PCM1: variants seen among roughly 807,000 people sequenced by gnomAD.
PCM1 encodes the protein pericentriolar material 1 protein.
A neutral mutation model predicts 241.9 loss-of-function variants in PCM1; 157 were observed. The observed-to-expected ratio is 0.65, with a 90% confidence interval of 0.57 to 0.74. The LOEUF is 0.74. Ranked by LOEUF, PCM1 falls within the 30% of genes least tolerant of loss-of-function variation. The pLI is 0.00. For synonymous variants in PCM1, 1,085 were observed against 784.9 expected, an observed-to-expected ratio of 1.38 and a Z score of -6.39; for missense variants, 3,478 against 2,360.1, an observed-to-expected ratio of 1.47 and a Z score of -9.81.
intron 2 of PCM1, chr8:17,926,541 A>G (rs1455592189): frequency 6.6e-6 from 1 of 152,232 alleles, no homozygotes; most frequent in African/African-American, 2.4e-5. Context: ...TAGTGATCAC[A>G]GGCAATGCCA....
intron 1 of PCM1, among the ~76,000 whole-genome samples, chr8:17,923,767 C>T (rs2055616788): frequency 6.6e-6 from 1 of 152,064 alleles, no homozygotes; most frequent in Admixed American, 6.5e-5. Context: ...GGAGGCGTTC[C>T]TGGGAAGGTT....
At chr8:18,026,650 C>T (rs2094240682) in intron 38 of PCM1, among the ~76,000 whole-genome samples, 1 of 152,048 alleles carries the variant, frequency 6.6e-6, no homozygotes, top group Admixed American at 6.6e-5. Context: ...GCAGATAATA[C>T]CTCTTTTCTA....
chr8:18,014,102 A>AG (rs1267842869), intron 35 of PCM1, 66 bp downstream of exon 35: 1 of 838,542 alleles, frequency 1.2e-6, no homozygotes, highest in Non-Finnish European at 1.9e-6. Flanking sequence ...AGCTAAAAAA[A>AG]AAAAAAAAAC....
chr8:18,012,263 G>T (rs909098425), intron 34 of PCM1, among the ~76,000 whole-genome samples: 1 of 152,124 alleles, frequency 6.6e-6, no homozygotes, highest in Admixed American at 6.5e-5. Context: ...CCATTGTCCG[G>T]CATGTCTACA....
At chr8:17,992,597 C>CCTA (rs1173200921) in intron 28 of PCM1, among the ~76,000 whole-genome samples, 3 of 149,396 alleles carry the variant, frequency 2.0e-5, no homozygotes, top group Non-Finnish European at 4.4e-5. Flanking sequence ...ATATCCTTAG[C>CCTA]CTACTACTAC....
chr8:17,941,040 G>A (rs1013901025), intron 6 of PCM1, among the ~76,000 whole-genome samples: 7 of 152,012 alleles, frequency 4.6e-5, no homozygotes, highest in East Asian at 1.9e-4. Context: ...TTCTCTTCCC[G>A]GACCTTCCTA....
chr8:17,936,129 C>G (rs850835), intron 3 of PCM1, among the ~76,000 whole-genome samples: 85,484 of 152,022 alleles, frequency 0.56, 24,758 homozygotes, highest in Middle Eastern at 0.67. Context: ...TTGTTCTAAA[C>G]CTTTTAGTTA....
At chr8:17,998,407 G>T (rs1473637289) in intron 29 of PCM1, among the ~76,000 whole-genome samples, 1 of 152,170 alleles carries the variant, frequency 6.6e-6, no homozygotes, top group East Asian at 1.9e-4. Context: ...GCTTTTTGCA[G>T]ACTCATAGCG....
At chr8:18,005,475 T>TG (rs898528688) in intron 29 of PCM1, among the ~76,000 whole-genome samples, 6 of 151,632 alleles carry the variant, frequency 4.0e-5, no homozygotes, top group East Asian at 1.9e-4. Flanking sequence ...TATGTATTGG[T>TG]GGGGGGGACT....
At chr8:17,995,724 C>G (rs548499619) in intron 29 of PCM1, among the ~76,000 whole-genome samples, 3 of 151,686 alleles carry the variant, frequency 2.0e-5, no homozygotes, top group Non-Finnish European at 4.4e-5. Flanking sequence ...CTTTTTGTGT[C>G]TTTTTAAATT....
chr8:18,021,015 C>G (rs757423553), intron 36 of PCM1, among the ~76,000 whole-genome samples: 9 of 152,042 alleles, frequency 5.9e-5, no homozygotes, highest in Non-Finnish European at 7.4e-5. Flanking sequence ...ACTTTTATGG[C>G]CAAGTCTGAA....
At chr8:17,975,095 G>A (rs1362855830) in intron 23 of PCM1, among the ~76,000 whole-genome samples, 1 of 152,118 alleles carries the variant, frequency 6.6e-6, no homozygotes. Context: ...TCTTCAGTAT[G>A]CATTTTGGCA....
chr8:17,965,923 G>A (rs2074703640), intron 18 of PCM1, 76 bp from the exon 19 acceptor site: 14 of 949,244 alleles, frequency 1.5e-5, no homozygotes, highest in Non-Finnish European at 2.1e-5. Flanking sequence ...ATAGGCCTGA[G>A]TATCAGAGTT....
At chr8:18,016,174 C>T (rs2093168830) in intron 36 of PCM1, among the ~76,000 whole-genome samples, 1 of 152,174 alleles carries the variant, frequency 6.6e-6, no homozygotes, top group African/African-American at 2.4e-5. Flanking sequence ...AGGCGTGAGC[C>T]ACCGCACCCA....
intron 36 of PCM1, among the ~76,000 whole-genome samples, chr8:18,022,088 A>G (rs1268791802): frequency 6.6e-6 from 1 of 152,184 alleles, no homozygotes; most frequent in Non-Finnish European, 1.5e-5. Flanking sequence ...GACAGCTCTT[A>G]CTACTCACAA....
Position 18,000,344 on chromosome 8 carries a change from A to G in PCM1, c.4828-5919A>G, listed in dbSNP as rs115445068. On this transcript the variant is annotated intron_variant, in intron 29 of 38. Coordinates refer to ENST00000325083, the MANE Select transcript of PCM1 (RefSeq NM_006197.4). The stretch of plus-strand genomic sequence containing the variant: ...GACTTTGCTCAAAGTTTGAAGGGAA[A>G]CTCCTAGAAGATTTTAAGCAGAGAA... Among the ~76,000 whole-genome samples the G allele has an allele frequency of 7.4e-3, 1,119 of 152,128 alleles. 10 individuals are homozygous for G. Among genetic ancestry groups the G allele is most frequent in the African/African-American group, 0.026 (1,073 of 41,506 alleles).
chr8:17,962,111 A>G lies in PCM1; in HGVS notation c.2400A>G (p.Gln800=), dbSNP rs777982356. ...PAVTSTPTVN[Q]HETSTSKSVF... ...TTACTTCAACCCCAACTGTTAATCA[A>G]CACGAGACCAGTACAAGCAAATCTG... The change falls in exon 16 of 39, where the codon CAA becomes CAG. Residue 800 remains glutamine (Q), a synonymous_variant. Transcript: ENST00000325083. 20 of 1,611,112 alleles carry G rather than the reference A, an allele frequency of 1.2e-5. No homozygotes were observed. The highest frequency in any genetic ancestry group is 1.6e-4 in the Middle Eastern group (1 of 6,080).
In PCM1 at chr8:17,980,734, A is replaced by G. The variant is rs1564134165; in HGVS notation, c.4087A>G (p.Arg1363Gly). ...ACTGGAAAAAATAATAAAATGTAAT[A>G]GGTCTACAGAAATATCTTCAGGTAT... ...EQLEKIIKCN[R>G]STEISSETGS... Residue 1363 changes from arginine (R) to glycine (G), a missense_variant, in exon 24 of 39, where the codon AGG becomes GGG. By Grantham distance (125) the Arg-to-Gly change is moderately radical. Transcript: ENST00000325083. 6.2e-7 allele frequency: 1 copy of G among 1,609,750 alleles called. No individual in the cohort carries two copies. The highest frequency in any genetic ancestry group is 8.5e-7 in the Non-Finnish European group (1 of 1,178,612).
chr8:17,988,656 TACAACTCAGTTGTAAG>T (rs993973304), intron 26 of PCM1, among the ~76,000 whole-genome samples: 7 of 151,876 alleles, frequency 4.6e-5, no homozygotes, highest in African/African-American at 1.7e-4. Flanking sequence ...GTATAAAGCT[TACAACTCAGTTGTAAG>T]ACAACTCAGT....
Sources: gnomAD v4.1 joint callset for allele counts (sites outside exome capture counted in the v4.1 genomes callset) on GRCh38, gnomAD v4.1.1 for gene constraint, MANE v1.5 for transcripts, NCBI Gene and HGNC (gene_info 2026-07-23, HGNC 2026-07-21) for gene names.